The following PEX11G variants were observed in gnomAD, a reference collection of about 807,000 sequenced individuals.
PEX11G encodes the protein peroxisomal biogenesis factor 11 gamma.
In PEX11G, 20 loss-of-function variants were observed where a neutral mutation model predicts 22.5. The observed-to-expected ratio is 0.89, with a 90% CI of 0.62 to 1.29. The LOEUF (loss-of-function observed/expected upper bound fraction) is 1.29, where lower values mean the gene tolerates loss of function less well. Ranked by LOEUF, PEX11G falls within the 50% of genes most tolerant of loss-of-function variation. The pLI, the probability that PEX11G is intolerant of heterozygous loss-of-function variation, is 0.00. For synonymous variants in PEX11G, 141 were observed against 154.5 expected (o/e 0.91, Z 0.65); for missense variants, 347 against 331.3 (o/e 1.05, Z -0.37).
Position 7,485,834 on chromosome 19 carries a change from T to C in PEX11G, c.249+4A>G, listed in dbSNP as rs768768116. On this transcript the variant is annotated splice_donor_region_variant and intron_variant, in intron 2 of 4. Transcript: ENST00000221480. ...ACTCCCTAGAGCCCCACAAACCCTG[T>C]TACCTGTGCCCCCAGGCCATATTGC... 1 of 1,590,968 alleles carries C rather than the reference T, an allele frequency of 6.3e-7. No individual in the cohort carries two copies. The highest frequency in any genetic ancestry group is 8.6e-7 in the Non-Finnish European group (1 of 1,161,322).
chr19:7,489,146 C>A (rs114284027), upstream of PEX11G: 2 of 1,207,658 alleles, frequency 1.7e-6, no homozygotes, highest in African/African-American at 3.3e-5. Flanking sequence ...GCTTTTTGTC[C>A]GCTGTAGGGG....
At chr19:7,483,964 T>C (rs1235512331) in intron 2 of PEX11G, among the ~76,000 whole-genome samples, 1 of 151,666 alleles carries the variant, frequency 6.6e-6, no homozygotes, top group African/African-American at 2.4e-5. Flanking sequence ...TTAGAAATCA[T>C]TGCCCTGTGC....
At chr19:7,477,675 C>T (rs1298253201) in intron 4 of PEX11G, among the ~76,000 whole-genome samples, 3 of 152,196 alleles carry the variant, frequency 2.0e-5, no homozygotes, top group Non-Finnish European at 4.4e-5. Flanking sequence ...CCTCACTCCT[C>T]GTCCTGAACA....
Position 7,488,963 on chromosome 19 carries a change from GC to G in PEX11G, c.47del (p.Gly16AlafsTer5). The G allele has an allele frequency of 1.3e-6, 2 of 1,555,020 alleles. No homozygotes were observed. The highest frequency in any genetic ancestry group is 1.2e-5 in the South Asian group (1 of 84,530). On this transcript the variant is annotated frameshift_variant, in exon 1 of 5. Coordinates refer to ENST00000221480, the MANE Select transcript of PEX11G (RefSeq NM_080662.4). LOFTEE classifies it high-confidence loss of function. Reference sequence around the variant, plus strand: ...GCCCCTGCCTCACCAGGCGGTCCCGGCCCCTGTACGACTCCAGCGCCGACGC... The same window carrying G: ...GCCCCTGCCTCACCAGGCGGTCCCGGCCCTGTACGACTCCAGCGCCGACGC... ...GLASALESYR[G>X]RDRLIRVLGY... is the part of the protein sequence containing the mutation.
chr19:7,480,912 G>A (rs1429078106), intron 3 of PEX11G, among the ~76,000 whole-genome samples: 1 of 152,152 alleles, frequency 6.6e-6, no homozygotes, highest in East Asian at 1.9e-4. Context: ...TGTTTGGGAG[G>A]AAACCATTAC....
intron 3 of PEX11G, among the ~76,000 whole-genome samples, chr19:7,480,921 A>C (rs1434223214): frequency 6.6e-6 from 1 of 152,174 alleles, no homozygotes; most frequent in Non-Finnish European, 1.5e-5. Flanking sequence ...GGAAACCATT[A>C]CTAGAAAGTT....
chr19:7,489,080 G>C (rs992458029), upstream of PEX11G: 4 of 1,422,924 alleles, frequency 2.8e-6, no homozygotes, highest in Non-Finnish European at 3.6e-6. Context: ...GGGGTACCGG[G>C]AGCGCCCCAA....
At position 7,486,102 on chromosome 19, in the gene PEX11G, C is replaced by T. The variant is rs1029629826; in HGVS notation, c.61-76G>A. On this transcript the variant is annotated intron_variant, in intron 1 of 4. Coordinates refer to ENST00000221480, the MANE Select transcript of PEX11G (RefSeq NM_080662.4). ...AGCTGCATCCCCCCATACCTGGCCC[C>T]GGGCCCCGCTGGATTGAGAGTGTGG... is the stretch of plus-strand genomic sequence containing the variant. 14 of 1,304,348 alleles carry T rather than the reference C, an allele frequency of 1.1e-5. No individual in the cohort carries two copies. In the African/African-American group the frequency reaches 1.3e-4, roughly 12 times the overall value. 80.8% of individuals were successfully genotyped at this position (1,304,348 alleles called of 1,614,324 possible).
chr19:7,484,298 G>A (rs2021538844), intron 2 of PEX11G, among the ~76,000 whole-genome samples: 2 of 152,048 alleles, frequency 1.3e-5, no homozygotes, highest in Non-Finnish European at 2.9e-5. Flanking sequence ...AGGCTGCAGC[G>A]AGCCATGATC....
chr19:7,480,111 T>C (rs1445085602), intron 3 of PEX11G, among the ~76,000 whole-genome samples: 1 of 151,048 alleles, frequency 6.6e-6, no homozygotes, highest in Non-Finnish European at 1.5e-5. Context: ...AGAAAAAAAA[T>C]TACAAAAATT....
intron 4 of PEX11G, among the ~76,000 whole-genome samples, chr19:7,477,888 G>A (rs1053324971): frequency 2.0e-5 from 3 of 152,242 alleles, no homozygotes; most frequent in African/African-American, 7.2e-5. Context: ...CAGGCGTGCT[G>A]GCCCGTGCCT....
intron 3 of PEX11G, among the ~76,000 whole-genome samples, chr19:7,480,298 C>T (rs1977431787): frequency 6.6e-6 from 1 of 152,000 alleles, no homozygotes; most frequent in African/African-American, 2.4e-5. Context: ...ACCAAGGCTG[C>T]CCCTAAAATA....
rs773679594 is a variant in PEX11G, at chr19:7,485,859, C to G, written c.228G>C (p.Lys76Asn). ...TTACCTGTGCCCCCAGGCCATATTGCTTAGTGTAGACAAACATGGCCAGGT... is the reference window on the plus strand; with the variant it reads ...TTACCTGTGCCCCCAGGCCATATTGGTTAGTGTAGACAAACATGGCCAGGT... The part of the protein sequence containing the change: ...FDDLAMFVYT[K>N]QYGLGAQEED... The change falls in exon 2 of 5, where the codon AAG (lysine) becomes AAC (asparagine). Residue 76 changes from lysine to asparagine, a missense_variant. Physicochemically the swap from Lys to Asn is moderately conservative, Grantham distance 94. Coordinates refer to ENST00000221480, the MANE Select transcript of PEX11G (RefSeq NM_080662.4). 5.6e-6 allele frequency: 9 copies of G among 1,609,548 alleles called. No homozygotes were observed. Among genetic ancestry groups the G allele is most frequent in the African/African-American group, 2.7e-5 (2 of 74,868 alleles).
intron 3 of PEX11G, 55 bp from the exon 4 acceptor site, chr19:7,478,431 T>C: frequency 6.5e-7 from 1 of 1,546,174 alleles, no homozygotes; most frequent in Non-Finnish European, 8.8e-7. Flanking sequence ...GAGGGTTAGC[T>C]CCACAACGCT....
intron 1 of PEX11G, among the ~76,000 whole-genome samples, chr19:7,488,045 A>G (rs191663186): frequency 7.0e-4 from 106 of 152,342 alleles, no homozygotes; most frequent in African/African-American, 2.3e-3. Context: ...ATTGGAACTA[A>G]AAACTGTCCA....
intron 2 of PEX11G, 23 bp from the exon 3 acceptor site, chr19:7,482,234 G>T: frequency 6.5e-7 from 1 of 1,542,362 alleles, no homozygotes; most frequent in Non-Finnish European, 8.7e-7. Context: ...GAGCAGAGGG[G>T]GCCTAGGGTC....
In PEX11G at chr19:7,482,159, T is replaced by C. The variant is rs201696349; in HGVS notation, c.302A>G (p.Gln101Arg). The change falls in exon 3 of 5, where the codon CAG becomes CGG. Residue 101 changes from glutamine to arginine, a missense_variant. Coordinates refer to ENST00000221480, the MANE Select transcript of PEX11G (RefSeq NM_080662.4). The part of the protein sequence containing the change: ...CVSVLGNLAD[Q>R]LYYPCEHVAW... ...CACGTGCTCACAGGGGTAGTAGAGC[T>C]GGTCAGCCAGGTTCCCTAGGACGGA... 4.3e-5 allele frequency: 69 copies of C among 1,589,316 alleles called. No individual in the cohort carries two copies. The Middle Eastern group carries it at 6.6e-4, about 15-fold the overall frequency.
At chr19:7,482,290 C>T in intron 2 of PEX11G, 79 bp from the exon 3 acceptor site, 2 of 1,424,016 alleles carry the variant, frequency 1.4e-6, no homozygotes, top group African/African-American at 2.9e-5. Context: ...TGCCAGGTGG[C>T]AGAGAGCTAT....
At chr19:7,484,918 A>C (rs2021566439) in intron 2 of PEX11G, among the ~76,000 whole-genome samples, 1 of 152,198 alleles carries the variant, frequency 6.6e-6, no homozygotes, top group African/African-American at 2.4e-5. Context: ...ATTTAAATCA[A>C]AATGAGAACA....
Sources: gnomAD v4.1 joint callset for allele counts (sites outside exome capture counted in the v4.1 genomes callset) on GRCh38, gnomAD v4.1.1 for gene constraint, MANE v1.5 for transcripts, NCBI Gene and HGNC (gene_info 2026-07-23, HGNC 2026-07-21) for gene names.